VEPH1: variants seen among roughly 807,000 people sequenced by gnomAD.
The protein encoded by VEPH1 is ventricular zone-expressed PH domain-containing protein homolog 1.
VEPH1 carries 80 observed loss-of-function variants against 85.2 expected under a neutral mutation model. The observed-to-expected ratio is 0.94, with a 90% CI of 0.78 to 1.13. VEPH1 has a LOEUF of 1.13. VEPH1 is among the 50% of genes most tolerant of loss of function. VEPH1 has a pLI of 0.00. For synonymous variants in VEPH1, 297 were observed against 348.0 expected (o/e 0.85, Z 1.63); for missense variants, 955 against 980.5 (o/e 0.97, Z 0.35).
At position 157,260,048 on chromosome 3, in the gene VEPH1, A is replaced by T. The variant is rs1164728282; in HGVS notation, c.*1086T>A. On this transcript the variant is annotated 3_prime_UTR_variant, in exon 14 of 14. Coordinates refer to ENST00000362010, the MANE Select transcript of VEPH1 (RefSeq NM_001167912.2). The stretch of plus-strand genomic sequence containing the variant: ...TGATTAGGTCAGGCCCACCCAGGGG[A>T]TCTCTTTGATTAACTCAAAGTCAGC... The T allele has an allele frequency of 6.6e-6, 1 of 152,196 alleles. No homozygotes were observed. Among genetic ancestry groups the T allele is most frequent in the African/African-American group, 2.4e-5 (1 of 41,458 alleles). 9.4% of individuals were successfully genotyped at this position (152,196 alleles called of 1,614,324 possible). A position where few individuals can be genotyped will look rare whatever the true frequency, so the allele number is the denominator to read the frequency against.
At chr3:157,385,394 T>G (rs1729190041) in intron 6 of VEPH1, among the ~76,000 whole-genome samples, 1 of 152,180 alleles carries the variant, frequency 6.6e-6, no homozygotes. Context: ...TCAAATCTTT[T>G]GGTTTTAGGA....
intron 6 of VEPH1, chr3:157,409,611 T>C (rs1307766161): frequency 5.1e-6 from 5 of 985,278 alleles, no homozygotes; most frequent in Non-Finnish European, 6.0e-6. Context: ...TATATACAAC[T>C]CTTCTCTGCC....
At chr3:157,430,456 T>C (rs932450345) in intron 4 of VEPH1, among the ~76,000 whole-genome samples, 1 of 152,244 alleles carries the variant, frequency 6.6e-6, no homozygotes, top group Non-Finnish European at 1.5e-5. Context: ...CAACAACTTA[T>C]TCATATACTC....
intron 1 of VEPH1, among the ~76,000 whole-genome samples, chr3:157,495,806 C>T (rs567716305): frequency 6.6e-6 from 1 of 152,302 alleles, no homozygotes; most frequent in South Asian, 2.1e-4. Flanking sequence ...GGAAAAACAA[C>T]AATCATGCCT....
chr3:157,409,564 G>T, intron 6 of VEPH1: 1 of 942,060 alleles, frequency 1.1e-6, no homozygotes, highest in Non-Finnish European at 1.3e-6. Context: ...GGGAGATAGA[G>T]AAAATAAGAA....
intron 9 of VEPH1, among the ~76,000 whole-genome samples, chr3:157,358,296 G>T (rs890492360): frequency 6.6e-6 from 1 of 152,150 alleles, no homozygotes; most frequent in Non-Finnish European, 1.5e-5. Flanking sequence ...AGAAAAGTTT[G>T]CTAGAAAAGT....
At chr3:157,279,129 A>G (rs1183816354) in intron 12 of VEPH1, among the ~76,000 whole-genome samples, 2 of 152,204 alleles carry the variant, frequency 1.3e-5, no homozygotes, top group Non-Finnish European at 2.9e-5. Context: ...AGGACCGCAT[A>G]TATAGATCTG....
intron 9 of VEPH1, among the ~76,000 whole-genome samples, chr3:157,346,760 C>T (rs1472688741): frequency 2.0e-5 from 3 of 152,150 alleles, no homozygotes; most frequent in Admixed American, 6.5e-5. Context: ...GCACGTGCCA[C>T]CATGACTAGC....
At chr3:157,286,344 A>G in intron 12 of VEPH1, 1 of 582,220 alleles carries the variant, frequency 1.7e-6, no homozygotes, top group Non-Finnish European at 3.1e-6. Flanking sequence ...ACATATAGGT[A>G]AGGGATTGTT....
chr3:157,343,514 C>G lies in VEPH1; in HGVS notation c.1735+19850G>C, dbSNP rs555320979. Among the ~76,000 whole-genome samples the G allele has an allele frequency of 5.9e-5, 9 of 152,262 alleles. 1 individual carries two copies. The South Asian group carries it at 1.0e-3, about 18-fold the overall frequency. On this transcript the variant is annotated intron_variant, in intron 9 of 13. Coordinates refer to ENST00000362010, the MANE Select transcript of VEPH1 (RefSeq NM_001167912.2). Reference sequence around the variant, plus strand: ...TCCCTCAATAGACCAATAACAGGCTCTGAAATTGAGGCAATAATTAATAGC... The same window carrying G: ...TCCCTCAATAGACCAATAACAGGCTGTGAAATTGAGGCAATAATTAATAGC...
At chr3:157,311,426 A>G (rs904013846) in intron 11 of VEPH1, among the ~76,000 whole-genome samples, 3 of 152,212 alleles carry the variant, frequency 2.0e-5, no homozygotes, top group Non-Finnish European at 4.4e-5. Flanking sequence ...ACTTTGCACC[A>G]TTCTTACAGC....
rs1428527761 is a variant in VEPH1 at position 157,337,460 on chromosome 3, A to G, written c.1736-20259T>C. 7.9e-5 allele frequency among the ~76,000 whole-genome samples: 12 copies of G among 152,194 alleles called. No homozygotes were observed. In the East Asian group the frequency reaches 1.3e-3, roughly 17 times the overall value. On this transcript the variant is annotated intron_variant, in intron 9 of 13. Transcript: ENST00000362010. ...TTTTCAAACCTAAATTTTCACCATC[A>G]TGATTAAAAAGTGAAGCATCTTTGA...
chr3:157,450,842 C>T (rs1405706005), intron 4 of VEPH1, among the ~76,000 whole-genome samples: 4 of 152,078 alleles, frequency 2.6e-5, no homozygotes, highest in South Asian at 4.1e-4. Flanking sequence ...GTGGGCTTAA[C>T]ATTAGTTTTT....
intron 4 of VEPH1, among the ~76,000 whole-genome samples, chr3:157,444,950 TG>T (rs529351349): frequency 1.7e-4 from 26 of 152,360 alleles, no homozygotes; most frequent in African/African-American, 5.8e-4. Flanking sequence ...TTTCTCTAAA[TG>T]ACAGAATCCT....
At chr3:157,281,475 C>A (rs1559921264) in intron 12 of VEPH1, among the ~76,000 whole-genome samples, 1 of 152,082 alleles carries the variant, frequency 6.6e-6, no homozygotes, top group African/African-American at 2.4e-5. Flanking sequence ...TGCTCTAACA[C>A]ATGTGGTAGA....
At chr3:157,324,905 A>G (rs1171278596) in intron 9 of VEPH1, among the ~76,000 whole-genome samples, 2 of 152,286 alleles carry the variant, frequency 1.3e-5, no homozygotes, top group Middle Eastern at 6.8e-3. Context: ...TCTTTGAGGA[A>G]TTGCCACACT....
At chr3:157,271,978 G>C (rs1394018607) in intron 12 of VEPH1, among the ~76,000 whole-genome samples, 1 of 152,216 alleles carries the variant, frequency 6.6e-6, no homozygotes, top group African/African-American at 2.4e-5. Flanking sequence ...AAAGAGCTAA[G>C]GGTCCTGGGA....
At chr3:157,503,065 T>C (rs542471548) in intron 1 of VEPH1, among the ~76,000 whole-genome samples, 2 of 152,294 alleles carry the variant, frequency 1.3e-5, no homozygotes, top group African/African-American at 4.8e-5. Flanking sequence ...CACAGAGAAG[T>C]GGCATTTTTA....
chr3:157,339,928 T>G (rs1723345619), intron 9 of VEPH1, among the ~76,000 whole-genome samples: 1 of 152,162 alleles, frequency 6.6e-6, no homozygotes, highest in South Asian at 2.1e-4. Flanking sequence ...TGATTCCGTG[T>G]CAAGATATTT....
Sources: gnomAD v4.1 joint callset for allele counts (sites outside exome capture counted in the v4.1 genomes callset) on GRCh38, gnomAD v4.1.1 for gene constraint, MANE v1.5 for transcripts, NCBI Gene and HGNC (gene_info 2026-07-23, HGNC 2026-07-21) for gene names.